Variants in ASCC3 observed in about 807,000 individuals in gnomAD.
ASCC3 encodes activating signal cointegrator 1 complex subunit 3.
ASCC3 carries 158 observed loss-of-function variants against 256.3 expected under a neutral mutation model. That is an observed-to-expected ratio of 0.62 (90% CI 0.54 to 0.70). ASCC3 has a LOEUF of 0.70. ASCC3 is among the 30% of genes least tolerant of loss of function. The probability of loss-of-function intolerance (pLI) is 0.00; values close to 1 mark genes in which losing one functional copy is unlikely to be tolerated. For synonymous variants in ASCC3, 948 were observed against 883.4 expected, an observed-to-expected ratio of 1.07 and a Z score of -1.30; for missense variants, 2,259 against 2,626.0, an observed-to-expected ratio of 0.86 and a Z score of 3.05.
At chr6:100,869,874 T>C (rs1370473217) in intron 1 of ASCC3, among the ~76,000 whole-genome samples, 10 of 151,900 alleles carry the variant, frequency 6.6e-5, no homozygotes. Context: ...TCAGACAAAA[T>C]TGGCTTCAAA....
At position 100,740,349 on chromosome 6, in the gene ASCC3, C is replaced by T. The variant is rs150488999; in HGVS notation, c.1738-14646G>A. On this transcript the variant is annotated intron_variant, in intron 10 of 41. Transcript: ENST00000369162. ...CATTTGTTGAGGAGTGTTTTACTTC[C>T]GATTATGTGATCAATTTTAGAGTAA... Among the ~76,000 whole-genome samples, 20 of 152,114 alleles carry T rather than the reference C, an allele frequency of 1.3e-4. No homozygotes were observed. In the East Asian group the frequency reaches 2.9e-3, roughly 22 times the overall value.
chr6:100,726,697 T>C (rs555815261), intron 10 of ASCC3, among the ~76,000 whole-genome samples: 4 of 152,206 alleles, frequency 2.6e-5, no homozygotes, highest in Non-Finnish European at 5.9e-5. Context: ...GCTTCATTTA[T>C]AATACTATTT....
chr6:100,783,057 C>CT (rs1782520875), intron 8 of ASCC3, among the ~76,000 whole-genome samples: 1 of 150,816 alleles, frequency 6.6e-6, no homozygotes, highest in Non-Finnish European at 1.5e-5. Flanking sequence ...AATGGAAAAA[C>CT]TAAAAACATG....
chr6:100,521,180 C>T (rs1474625502), intron 37 of ASCC3, among the ~76,000 whole-genome samples: 1 of 152,042 alleles, frequency 6.6e-6, no homozygotes, highest in South Asian at 2.1e-4. Flanking sequence ...AAAGTAATCC[C>T]CCCTTATCTG....
At chr6:100,715,428 T>C (rs775613861) in intron 13 of ASCC3, 34 bp downstream of exon 13, 2 of 1,557,716 alleles carry the variant, frequency 1.3e-6, no homozygotes, top group Non-Finnish European at 1.8e-6. Context: ...TAAAAGCAGA[T>C]AAATAAGTGT....
intron 40 of ASCC3, chr6:100,510,435 C>A: frequency 3.8e-6 from 1 of 263,420 alleles, no homozygotes; most frequent in Non-Finnish European, 7.3e-6. Context: ...ACTTTAATAC[C>A]ACATTGGTAG....
At chr6:100,533,576 A>C (rs780280957) in intron 37 of ASCC3, among the ~76,000 whole-genome samples, 1 of 152,212 alleles carries the variant, frequency 6.6e-6, no homozygotes, top group Admixed American at 6.5e-5. Flanking sequence ...AAACTAACTC[A>C]GTCAATTGAC....
At chr6:100,647,813 T>C (rs1266236219) in intron 20 of ASCC3, among the ~76,000 whole-genome samples, 2 of 151,804 alleles carry the variant, frequency 1.3e-5, no homozygotes, top group Non-Finnish European at 2.9e-5. Flanking sequence ...TGGTGAATAG[T>C]GGAATGATTA....
At chr6:100,739,693 G>A (rs1021358757) in intron 10 of ASCC3, among the ~76,000 whole-genome samples, 5 of 152,086 alleles carry the variant, frequency 3.3e-5, no homozygotes, top group African/African-American at 1.2e-4. Context: ...GAACTTATCT[G>A]CTTCTTCTAG....
At chr6:100,723,468 CAATT>C (rs991288807) in intron 11 of ASCC3, among the ~76,000 whole-genome samples, 1 of 151,546 alleles carries the variant, frequency 6.6e-6, no homozygotes, top group African/African-American at 2.4e-5. Context: ...TTGTTTGAAA[CAATT>C]AAATCATTAA....
At chr6:100,583,783 T>C (rs952587516) in intron 36 of ASCC3, among the ~76,000 whole-genome samples, 4 of 152,146 alleles carry the variant, frequency 2.6e-5, no homozygotes, top group Non-Finnish European at 5.9e-5. Context: ...TTCTGGTATG[T>C]GTGTCTTTGT....
chr6:100,870,264 T>C (rs1182181293), intron 1 of ASCC3, among the ~76,000 whole-genome samples: 1 of 151,880 alleles, frequency 6.6e-6, no homozygotes, highest in South Asian at 2.1e-4. Context: ...GTCAGGAGGC[T>C]GATGCATGAG....
At chr6:100,764,729 C>A (rs1390593773) in intron 10 of ASCC3, among the ~76,000 whole-genome samples, 1 of 152,088 alleles carries the variant, frequency 6.6e-6, no homozygotes, top group Non-Finnish European at 1.5e-5. Context: ...ACCCAGTCCT[C>A]CCTACTTCAT....
chr6:100,858,100 G>T, intron 3 of ASCC3: 1 of 299,170 alleles, frequency 3.3e-6, no homozygotes, highest in Non-Finnish European at 4.9e-6. Context: ...CTACGTATTT[G>T]ATGTTTATGA....
chr6:100,811,054 C>T (rs950585603), intron 4 of ASCC3, among the ~76,000 whole-genome samples: 5 of 152,008 alleles, frequency 3.3e-5, no homozygotes, highest in African/African-American at 9.7e-5. Context: ...GTTTACCCCC[C>T]GCCCATACTA....
chr6:100,809,166 A>G (rs1239785595), intron 4 of ASCC3, among the ~76,000 whole-genome samples: 2 of 150,330 alleles, frequency 1.3e-5, no homozygotes, highest in East Asian at 3.9e-4. Context: ...CACTACATTT[A>G]TTTTTTCAAA....
intron 36 of ASCC3, among the ~76,000 whole-genome samples, chr6:100,564,162 T>A (rs1223140303): frequency 1.3e-5 from 2 of 151,984 alleles, no homozygotes; most frequent in East Asian, 1.9e-4. Flanking sequence ...TTTTTTTTTT[T>A]AATACGTGCA....
At chr6:100,642,837 A>G in intron 23 of ASCC3, 88 bp from the exon 24 acceptor site, 3 of 1,184,938 alleles carry the variant, frequency 2.5e-6, no homozygotes, top group Admixed American at 1.9e-5. Context: ...CGGTATCTCT[A>G]CAAGATATAC....
At chr6:100,610,688 T>C (rs1773348481) in intron 30 of ASCC3, among the ~76,000 whole-genome samples, 1 of 152,180 alleles carries the variant, frequency 6.6e-6, no homozygotes, top group Non-Finnish European at 1.5e-5. Context: ...TTATTTACTT[T>C]ATGAACTGTT....
Sources: gnomAD v4.1 joint callset for allele counts (sites outside exome capture counted in the v4.1 genomes callset) on GRCh38, gnomAD v4.1.1 for gene constraint, MANE v1.5 for transcripts, NCBI Gene and HGNC (gene_info 2026-07-23, HGNC 2026-07-21) for gene names.